GRK5: variants seen among roughly 807,000 people sequenced by gnomAD.
GRK5 encodes g protein-coupled receptor kinase GRK5.
Under a neutral mutation model 78.4 loss-of-function variants are expected in GRK5, and 40 were observed. The ratio of observed to expected loss-of-function variants is 0.51; its 90% CI spans 0.40 to 0.66. The LOEUF (loss-of-function observed/expected upper bound fraction) is 0.66. Ranked by LOEUF, GRK5 falls within the 30% of genes least tolerant of loss-of-function variation. The pLI is 0.00. For synonymous variants in GRK5, 289 were observed against 296.8 expected (o/e 0.97, Z 0.27); for missense variants, 598 against 759.9 (o/e 0.79, Z 2.50).
At chr10:119,394,207 TGTGTGTGGGTACGTGTGGGTGTGG>T (rs1851947341) in intron 3 of GRK5, among the ~76,000 whole-genome samples, 1 of 150,588 alleles carries the variant, frequency 6.6e-6, no homozygotes, top group Non-Finnish European at 1.5e-5. Context: ...GGTGTGTATC[TGTGTGTGGGTACGTGTGGGTGTGG>T]GTGTGTGGGT....
chr10:119,404,100 G>C (rs1487780718), intron 4 of GRK5, among the ~76,000 whole-genome samples: 1 of 152,158 alleles, frequency 6.6e-6, no homozygotes, highest in African/African-American at 2.4e-5. Flanking sequence ...GAACTGCTGG[G>C]CTGTTCTTCA....
intron 4 of GRK5, among the ~76,000 whole-genome samples, chr10:119,410,283 C>T (rs976896251): frequency 6.6e-6 from 1 of 152,168 alleles, no homozygotes; most frequent in African/African-American, 2.4e-5. Context: ...CTCTCAGGGC[C>T]CCCAGTTAAA....
chr10:119,448,364 G>A (rs547063329), intron 13 of GRK5, 104 bp downstream of exon 13: 438 of 1,320,016 alleles, frequency 3.3e-4, no homozygotes, highest in Non-Finnish European at 4.1e-4. Flanking sequence ...GGGGCACATC[G>A]TGTCTTTGTG....
chr10:119,401,016 GCT>G lies in GRK5; in HGVS notation c.339+4249_339+4250del, dbSNP rs372056624. Among the ~76,000 whole-genome samples, 161 of 152,306 alleles carry G rather than the reference GCT, an allele frequency of 1.1e-3. 1 individual carries two copies. The highest frequency in any genetic ancestry group is 3.6e-3 in the African/African-American group (149 of 41,556). On this transcript the variant is annotated intron_variant, in intron 4 of 15. Transcript: ENST00000392870. The stretch of plus-strand genomic sequence containing the variant: ...ATTTTGGATGGAGACAGTGGCATCT[GCT>G]CTCTGTGTCCCCGCCCCAGCATGAC...
intron 2 of GRK5, among the ~76,000 whole-genome samples, chr10:119,365,828 C>G (rs569889518): frequency 6.6e-6 from 1 of 152,340 alleles, no homozygotes; most frequent in East Asian, 1.9e-4. Context: ...GCAGACAAGG[C>G]ACTCCGCTTC....
intron 3 of GRK5, among the ~76,000 whole-genome samples, chr10:119,382,043 CT>C (rs201824774): frequency 0.011 from 1,622 of 152,320 alleles, 18 homozygotes; most frequent in African/African-American, 0.038. Flanking sequence ...GAGACATTAC[CT>C]GTTCCAGTGA....
At chr10:119,342,127 T>G (rs1850993754) in intron 2 of GRK5, among the ~76,000 whole-genome samples, 1 of 152,210 alleles carries the variant, frequency 6.6e-6, no homozygotes, top group African/African-American at 2.4e-5. Flanking sequence ...GCTAAAGGCC[T>G]TGGCTGAGCC....
intron 4 of GRK5, among the ~76,000 whole-genome samples, chr10:119,405,825 C>G (rs866276081): frequency 6.6e-6 from 1 of 152,214 alleles, no homozygotes; most frequent in Non-Finnish European, 1.5e-5. Context: ...TGTTTGCAGA[C>G]TACCCTTAAC....
At chr10:119,335,195 C>A (rs539056631) in intron 2 of GRK5, among the ~76,000 whole-genome samples, 2 of 120,978 alleles carry the variant, frequency 1.7e-5, no homozygotes, top group East Asian at 5.4e-4. Context: ...CCTCTCCCCC[C>A]ACCTCCTCTT....
intron 1 of GRK5, among the ~76,000 whole-genome samples, chr10:119,251,375 A>G (rs1386434492): frequency 1.3e-5 from 2 of 152,252 alleles, no homozygotes; most frequent in Non-Finnish European, 2.9e-5. Context: ...CTGGATGTTT[A>G]TGGCATCACC....
intron 1 of GRK5, among the ~76,000 whole-genome samples, chr10:119,293,491 G>A (rs1461032032): frequency 1.3e-5 from 2 of 152,230 alleles, no homozygotes; most frequent in Non-Finnish European, 2.9e-5. Flanking sequence ...GTTGTTCCTC[G>A]TCTGTCTTTT....
chr10:119,408,038 C>T (rs183552710), intron 4 of GRK5, among the ~76,000 whole-genome samples: 29 of 152,010 alleles, frequency 1.9e-4, no homozygotes, highest in African/African-American at 7.0e-4. Flanking sequence ...TGGTGGATGC[C>T]TGTATTCCCA....
In GRK5 at chr10:119,338,859, A is replaced by G. The variant is rs1160552980; in HGVS notation, c.148+12248A>G. On this transcript the variant is annotated intron_variant, in intron 2 of 15. Transcript: ENST00000392870. Reference sequence around the variant, plus strand: ...AAATGTGATTTGTAAAGTTCTCATAACTATCACATGTATATATTCTACTAT... The same window carrying G: ...AAATGTGATTTGTAAAGTTCTCATAGCTATCACATGTATATATTCTACTAT... Among the ~76,000 whole-genome samples the G allele has an allele frequency of 2.6e-5, 4 of 152,230 alleles. No homozygotes were observed. In the East Asian group the frequency reaches 7.7e-4, roughly 29 times the overall value.
At chr10:119,280,328 G>A (rs1432543004) in intron 1 of GRK5, among the ~76,000 whole-genome samples, 1 of 152,224 alleles carries the variant, frequency 6.6e-6, no homozygotes, top group African/African-American at 2.4e-5. Flanking sequence ...CTCTGAGCCT[G>A]TGCACTGTCA....
chr10:119,291,603 TTCC>T (rs1235503801), intron 1 of GRK5, among the ~76,000 whole-genome samples: 5 of 87,144 alleles, frequency 5.7e-5, no homozygotes, highest in East Asian at 3.7e-4. Context: ...CCTCCTCCTC[TTCC>T]TCCTCCTCTT....
chr10:119,235,833 T>C (rs1345475840), intron 1 of GRK5, among the ~76,000 whole-genome samples: 1 of 152,128 alleles, frequency 6.6e-6, no homozygotes, highest in African/African-American at 2.4e-5. Flanking sequence ...AATAAGTACT[T>C]TGTGTAAATG....
chr10:119,272,309 G>A lies in GRK5; in HGVS notation c.53-54207G>A, dbSNP rs546746759. 2.0e-5 allele frequency among the ~76,000 whole-genome samples: 3 copies of A among 152,324 alleles called. No homozygotes were observed. In the South Asian group the frequency reaches 6.2e-4, roughly 32 times the overall value. On this transcript the variant is annotated intron_variant, in intron 1 of 15. Transcript: ENST00000392870. Reference sequence around the variant, plus strand: ...TGAGTGCATGAGGCCGGGCGTGGTGGCTCACGCCTGTAATCCCAGCACTTT... The same window carrying A: ...TGAGTGCATGAGGCCGGGCGTGGTGACTCACGCCTGTAATCCCAGCACTTT...
chr10:119,363,739 G>T (rs1851400867), intron 2 of GRK5, among the ~76,000 whole-genome samples: 1 of 152,154 alleles, frequency 6.6e-6, no homozygotes. Flanking sequence ...TCTCTTTAAG[G>T]GTGTTACTCA....
At chr10:119,241,314 G>C (rs1306699249) in intron 1 of GRK5, among the ~76,000 whole-genome samples, 2 of 152,140 alleles carry the variant, frequency 1.3e-5, no homozygotes, top group Non-Finnish European at 2.9e-5. Flanking sequence ...GGGCAAAAGG[G>C]GAAAGTGACC....
Sources: gnomAD v4.1 joint callset for allele counts (sites outside exome capture counted in the v4.1 genomes callset) on GRCh38, gnomAD v4.1.1 for gene constraint, MANE v1.5 for transcripts, NCBI Gene and HGNC (gene_info 2026-07-23, HGNC 2026-07-21) for gene names.